UBR4: variants seen among roughly 807,000 people sequenced by gnomAD.
UBR4 encodes E3 ubiquitin-protein ligase UBR4.
In UBR4, 124 loss-of-function variants were observed where a neutral mutation model predicts 575.6. The observed-to-expected ratio is 0.22, with a 90% CI of 0.19 to 0.25. The LOEUF is 0.25. UBR4 is among the 10% of genes least tolerant of loss of function. UBR4 has a pLI of 1.00. For synonymous variants in UBR4, 2,455 were observed against 2,473.7 expected (o/e 0.99, Z 0.22); for missense variants, 4,818 against 6,478.8 (o/e 0.74, Z 8.80).
At chr1:19,197,092 A>T (rs1380927216) in intron 8 of UBR4, 49 bp downstream of exon 8, 1 of 1,598,768 alleles carries the variant, frequency 6.3e-7, no homozygotes, top group Non-Finnish European at 8.5e-7. Flanking sequence ...TCCTGAAAGT[A>T]TATCTCTGCT....
chr1:19,096,907 T>C (rs1389970615), intron 91 of UBR4, among the ~76,000 whole-genome samples: 3 of 151,984 alleles, frequency 2.0e-5, no homozygotes, highest in African/African-American at 2.4e-5. Flanking sequence ...ATACCATCAA[T>C]GGAGTGGGGG....
In UBR4 at chr1:19,088,598, C is replaced by G. The variant is rs192645639; in HGVS notation, c.14430+161G>C. 6.6e-6 allele frequency among the ~76,000 whole-genome samples: 1 copy of G among 152,168 alleles called. No homozygotes were observed. The highest frequency in any genetic ancestry group is 2.4e-5 in the African/African-American group (1 of 41,448). On this transcript the variant is annotated intron_variant, in intron 98 of 105. Coordinates refer to ENST00000375254, the MANE Select transcript of UBR4 (RefSeq NM_020765.3). The surrounding 1 kb of genome is among the most constrained non-coding windows in gnomAD (Gnocchi z 4.0). Reference sequence around the variant, plus strand: ...TCCGAGTCTCATCTGTATGATAGAACGATAGTAGTTCCACCTCTGAGAGGG... The same window carrying G: ...TCCGAGTCTCATCTGTATGATAGAAGGATAGTAGTTCCACCTCTGAGAGGG...
At position 19,093,635 on chromosome 1, in the gene UBR4, C is replaced by A; in HGVS notation, c.13938-149G>T. 1 of 895,804 alleles carries A rather than the reference C, an allele frequency of 1.1e-6. No individual in the cohort carries two copies. The highest frequency in any genetic ancestry group is 1.7e-6 in the Non-Finnish European group (1 of 600,328). 55.5% of individuals were successfully genotyped at this position (895,804 alleles called of 1,614,324 possible). ...AAAGACCTATCTGCCCCGGCTCCTG[C>A]CACTCTCCCTGTTTACCTGCTATGT... On this transcript the variant is annotated intron_variant, in intron 95 of 105. Coordinates refer to ENST00000375254, the MANE Select transcript of UBR4 (RefSeq NM_020765.3). This position sits in a 1 kb window ranked among gnomAD's most constrained non-coding sequence, Gnocchi z 4.8.
At position 19,110,227 on chromosome 1, in the gene UBR4, G is replaced by C; in HGVS notation, c.11978-4C>G. 1 of 1,614,216 alleles carries C rather than the reference G, an allele frequency of 6.2e-7. No individual in the cohort carries two copies. Among genetic ancestry groups the C allele is most frequent in the East Asian group, 2.2e-5 (1 of 44,884 alleles). On this transcript the variant is annotated splice_polypyrimidine_tract_variant and splice_region_variant and intron_variant, in intron 80 of 105. Transcript: ENST00000375254. This position sits in a 1 kb window ranked among gnomAD's most constrained non-coding sequence, Gnocchi z 4.5. The stretch of plus-strand genomic sequence containing the variant: ...GCCATGAGGAAAAGGCTGAGAGCTA[G>C]GGATGGTCAGGAAAGGCAGAGTCAC...
chr1:19,095,422 G>T, intron 93 of UBR4, 123 bp downstream of exon 93: 1 of 948,600 alleles, frequency 1.1e-6, no homozygotes, highest in Non-Finnish European at 1.6e-6. Context: ...GCACCAGTCA[G>T]CCAGAGAGAT....
intron 39 of UBR4, 114 bp downstream of exon 39, chr1:19,159,997 G>A: frequency 7.4e-7 from 1 of 1,345,848 alleles, no homozygotes; most frequent in Non-Finnish European, 1.0e-6. Context: ...AGTTTTGGAT[G>A]GCCAAGCATC....
At position 19,183,871 on chromosome 1, in the gene UBR4, T is replaced by C; in HGVS notation, c.2124A>G (p.Ala708=). ...GTGAGTGGTTGAAGTGATAGAGAGC[T>C]GCAGCAAACTCTTCATCTGATGAAC... ...LKGSSDEEFA[A]ALYHFNHSLV... The change falls in exon 17 of 106, where the codon GCA becomes GCG. Residue 708 remains alanine, a synonymous_variant. Coordinates refer to ENST00000375254, the MANE Select transcript of UBR4 (RefSeq NM_020765.3). 1 of 1,614,168 alleles carries C rather than the reference T, an allele frequency of 6.2e-7. No individual in the cohort carries two copies. The highest frequency in any genetic ancestry group is 2.2e-5 in the East Asian group (1 of 44,874).
chr1:19,115,199 GCACACACA>G lies in UBR4; in HGVS notation c.11063+191_11063+198del, dbSNP rs61661086. On this transcript the variant is annotated intron_variant, in intron 74 of 105. Transcript: ENST00000375254. ...AGGACAGACACACTCGTGTGCACATGCACACACACACACACACACACACTCACTCACTC... is the reference window on the plus strand; with the variant it reads ...AGGACAGACACACTCGTGTGCACATGCACACACACACACACTCACTCACTC... 3.5e-4 allele frequency among the ~76,000 whole-genome samples: 45 copies of G among 127,058 alleles called. 1 individual carries two copies. The highest frequency in any genetic ancestry group is 1.2e-3 in the African/African-American group (40 of 32,600). 83.4% of individuals were successfully genotyped at this position (127,058 alleles called of 152,430 possible).
intron 60 of UBR4, among the ~76,000 whole-genome samples, chr1:19,133,099 C>T (rs752053389): frequency 1.3e-5 from 2 of 152,096 alleles, no homozygotes; most frequent in Non-Finnish European, 2.9e-5. Context: ...CATGCCCTGA[C>T]TTATTTTATG....
At chr1:19,169,083 C>T (rs57180318) in intron 27 of UBR4, among the ~76,000 whole-genome samples, 7,664 of 151,978 alleles carry the variant, frequency 0.05, 561 homozygotes, top group African/African-American at 0.15. Flanking sequence ...ATACAACCTA[C>T]AAAGGAAACA....
At chr1:19,187,656 C>T (rs2091673936) in intron 11 of UBR4, 116 bp from the exon 12 acceptor site, 1 of 925,560 alleles carries the variant, frequency 1.1e-6, no homozygotes, top group Non-Finnish European at 1.6e-6. Context: ...CTCTGTGGAC[C>T]TTCAGAAAAA....
In UBR4 at chr1:19,173,508, T is replaced by A. The variant is rs376095305; in HGVS notation, c.3096A>T (p.Glu1032Asp). The A allele has an allele frequency of 1.2e-4, 197 of 1,614,058 alleles. No individual in the cohort carries two copies. The highest frequency in any genetic ancestry group is 1.4e-4 in the Non-Finnish European group (160 of 1,180,038). Residue 1032 changes from glutamate (E) to aspartate (D), a missense_variant, in exon 23 of 106, where the codon GAA becomes GAT. By Grantham distance (45) the Glu-to-Asp change is conservative (BLOSUM62 2). Around this residue, in one of 29 missense-constraint regions of UBR4, gnomAD observed 1,172 missense variants for 1,259.7 expected, o/e 0.93. Coordinates refer to ENST00000375254, the MANE Select transcript of UBR4 (RefSeq NM_020765.3). The stretch of plus-strand genomic sequence containing the variant: ...ATCGCAGAGTGTGCAAGATGTCACA[T>A]TCGCTCATCTCAGGTGAGTTCATGG... ...QLSMNSPEMS[E>D]CDILHTLRWS...
chr1:19,204,731 G>A (rs2092923806), intron 1 of UBR4, among the ~76,000 whole-genome samples: 1 of 152,116 alleles, frequency 6.6e-6, no homozygotes, highest in African/African-American at 2.4e-5. Context: ...TACTTATAAT[G>A]TGCACTGGGC....
At chr1:19,097,303 A>G (rs1424951259) in intron 90 of UBR4, 23 bp from the exon 91 acceptor site, 6 of 1,608,498 alleles carry the variant, frequency 3.7e-6, no homozygotes, top group Non-Finnish European at 5.1e-6. Context: ...AGTTGGAGAA[A>G]GGTACTTAAA....
In UBR4 at chr1:19,192,339, AC is replaced by A; in HGVS notation, c.1242del (p.Leu414PhefsTer2). The A allele has an allele frequency of 1.2e-6, 2 of 1,614,150 alleles. No homozygotes were observed. Among genetic ancestry groups the A allele is most frequent in the Non-Finnish European group, 1.7e-6 (2 of 1,180,022 alleles). ...TTCAGTATGAGGAAAAGGCTGTTTA[AC>A]AAGCACCAAGCACCCAGCAATTGGA... The part of the protein sequence containing the change: ...QNFQLLGAWC[L>X]LNSLFLILNL... On this transcript the variant is annotated frameshift_variant, in exon 11 of 106. Transcript: ENST00000375254. LOFTEE classifies it high-confidence loss of function.
chr1:19,149,724 C>T (rs1473917843), intron 49 of UBR4: 1 of 1,292,776 alleles, frequency 7.7e-7, no homozygotes, highest in Admixed American at 2.4e-5. Context: ...CTCTGACACA[C>T]ACTCACTCGT....
rs140021053 is a variant in UBR4 at position 19,160,509 on chromosome 1, T to C, written c.5407-228A>G. 5.6e-3 allele frequency among the ~76,000 whole-genome samples: 849 copies of C among 152,266 alleles called. 5 individuals carry two copies. Among genetic ancestry groups the C allele is most frequent in the Non-Finnish European group, 8.9e-3 (608 of 68,010 alleles). On this transcript the variant is annotated intron_variant, in intron 38 of 105. Transcript: ENST00000375254. ...ATCTTTCTAAACCAGGGGTCCCACA[T>C]AGATATCCTAATGCGCAAAGGCATC...
chr1:19,109,976 C>T (rs1234254258), intron 81 of UBR4, 120 bp downstream of exon 81: 2 of 1,449,620 alleles, frequency 1.4e-6, no homozygotes, highest in Non-Finnish European at 1.9e-6. Flanking sequence ...GCACTGGAGC[C>T]TCTCAGGGGA....
chr1:19,172,273 T>C (rs566405112), intron 25 of UBR4, among the ~76,000 whole-genome samples: 27 of 152,208 alleles, frequency 1.8e-4, no homozygotes, highest in African/African-American at 4.8e-4. Context: ...TCCCAGCACT[T>C]TGGGAGGCTG....
Sources: gnomAD v4.1 joint callset for allele counts (sites outside exome capture counted in the v4.1 genomes callset) on GRCh38, gnomAD v4.1.1 for gene constraint, gnomAD v4.1.1 regional missense constraint, Gnocchi (gnomAD v3.1) non-coding constraint, MANE v1.5 for transcripts, NCBI Gene and HGNC (gene_info 2026-07-23, HGNC 2026-07-21) for gene names.